PRIM2: variants seen among roughly 807,000 people sequenced by gnomAD.
PRIM2 encodes the protein DNA primase large subunit.
A neutral mutation model predicts 67.3 loss-of-function variants in PRIM2; 39 were observed. The ratio of observed to expected loss-of-function variants is 0.58; its 90% CI spans 0.45 to 0.76. The LOEUF (loss-of-function observed/expected upper bound fraction) is 0.76, where lower values mean the gene tolerates loss of function less well. Among genes scored for constraint, PRIM2 ranks in the 30% least tolerant of loss-of-function variants. The pLI is 0.00. For missense variants in PRIM2, 398 were observed against 598.7 expected (o/e 0.66, Z 3.50); for synonymous variants, 143 against 198.7 (o/e 0.72, Z 2.36).
chr6:57,494,115 T>TACTTTACCCC (rs1773954104), intron 7 of PRIM2, among the ~76,000 whole-genome samples: 1 of 152,240 alleles, frequency 6.6e-6, no homozygotes, highest in Admixed American at 6.5e-5. Flanking sequence ...CAAACATGCT[T>TACTTTACCCC]ACTTTACCCC....
At chr6:57,274,918 A>G in the PRIM2 span, among the ~76,000 whole-genome samples, 1 of 149,646 alleles carries the variant, frequency 6.7e-6, no homozygotes, top group South Asian at 2.1e-4. Context: ...CTGGGACTAC[A>G]GGCACGTGCC....
At chr6:57,365,471 G>A (rs1001638499) in intron 5 of PRIM2, among the ~76,000 whole-genome samples, 1 of 151,814 alleles carries the variant, frequency 6.6e-6, no homozygotes, top group African/African-American at 2.4e-5. Context: ...GAATTAATCT[G>A]TTTTTTATCT....
intron 4 of PRIM2, among the ~76,000 whole-genome samples, chr6:57,324,574 T>C (rs2127273925): frequency 6.6e-6 from 1 of 152,310 alleles, no homozygotes; most frequent in African/African-American, 2.4e-5. Flanking sequence ...AGAAGGACTT[T>C]TGATATTTTT....
rs1307413525 is a variant in PRIM2 at position 57,532,412 on chromosome 6, C to G, written c.763C>G (p.His255Asp). 25 of 1,322,372 alleles carry G rather than the reference C, an allele frequency of 1.9e-5. No individual in the cohort carries two copies. Among genetic ancestry groups the G allele is most frequent in the Non-Finnish European group, 2.4e-5 (24 of 986,422 alleles). The allele number at this position is 1,322,372 out of a possible 1,614,324, so 81.9% of individuals were successfully genotyped here. A position where few individuals can be genotyped will look rare whatever the true frequency, so the allele number is the denominator to read the frequency against. Residue 255 changes from histidine (H) to aspartate (D), a missense_variant and splice_region_variant, in exon 9 of 14, where the codon CAT becomes GAT. Around this residue, in one of 4 missense-constraint regions of PRIM2, gnomAD observed 229 missense variants for 383.6 expected, o/e 0.60. Coordinates refer to ENST00000615550, the MANE Select transcript of PRIM2 (RefSeq NM_000947.5). ...ATATTTTTTTTTCTTTTTTTAAAGTCATTCCTACACTGGCCAAGATTACAG... is the reference window on the plus strand; with the variant it reads ...ATATTTTTTTTTCTTTTTTTAAAGTGATTCCTACACTGGCCAAGATTACAG... ...RLQPLLNHLS[H>D]SYTGQDYSTQ...
intron 7 of PRIM2, chr6:57,505,231 T>C (rs2127459006): frequency 6.6e-6 from 1 of 152,338 alleles, no homozygotes; most frequent in South Asian, 2.1e-4. Context: ...AAGAAAACCT[T>C]TGGAAAACTC....
At chr6:57,602,250 G>A (rs1407968826) in intron 11 of PRIM2, among the ~76,000 whole-genome samples, 2 of 152,074 alleles carry the variant, frequency 1.3e-5, no homozygotes, top group Non-Finnish European at 2.9e-5. Flanking sequence ...TAATAGAGAC[G>A]AGGTTTCGCC....
chr6:57,567,382 G>A (rs1424890210), intron 10 of PRIM2, among the ~76,000 whole-genome samples: 1 of 152,074 alleles, frequency 6.6e-6, no homozygotes, highest in Non-Finnish European at 1.5e-5. Context: ...GGTAAGCTTT[G>A]TGTTGGATTA....
Position 57,527,676 on chromosome 6 carries a change from C to G in PRIM2, c.762-4735C>G, listed in dbSNP as rs1334370064. Reference sequence around the variant, plus strand: ...CCTGCAGAGCATGGGATACAGTCTTCTCACCATCTGCCTTTCTTGTGTTGT... The same window carrying G: ...CCTGCAGAGCATGGGATACAGTCTTGTCACCATCTGCCTTTCTTGTGTTGT... On this transcript the variant is annotated intron_variant, in intron 8 of 13. Coordinates refer to ENST00000615550, the MANE Select transcript of PRIM2 (RefSeq NM_000947.5). Among the ~76,000 whole-genome samples, 4 of 152,316 alleles carry G rather than the reference C, an allele frequency of 2.6e-5. No individual in the cohort carries two copies. In the East Asian group the frequency reaches 5.8e-4, roughly 22 times the overall value.
chr6:57,229,128 C>A, the PRIM2 span, among the ~76,000 whole-genome samples: 6 of 152,174 alleles, frequency 3.9e-5, no homozygotes, highest in Non-Finnish European at 7.3e-5. Flanking sequence ...TCAATAATGT[C>A]TTTCTTCAGT....
intron 7 of PRIM2, among the ~76,000 whole-genome samples, chr6:57,467,707 T>G (rs1773239656): frequency 6.6e-6 from 1 of 152,196 alleles, no homozygotes; most frequent in African/African-American, 2.4e-5. Flanking sequence ...AATATATAAA[T>G]TACTTTGGGC....
chr6:57,312,163 A>C (rs947635608), upstream of PRIM2, among the ~76,000 whole-genome samples: 9 of 152,118 alleles, frequency 5.9e-5, no homozygotes, highest in Middle Eastern at 3.2e-3. Context: ...CAATTTGTGG[A>C]TATCTAAAAA....
chr6:57,454,295 G>T (rs1280542374), intron 7 of PRIM2, among the ~76,000 whole-genome samples: 1 of 152,144 alleles, frequency 6.6e-6, no homozygotes, highest in African/African-American at 2.4e-5. Flanking sequence ...GATGATGCTG[G>T]CCTCATAAAA....
chr6:57,618,035 T>A (rs1289174713), intron 12 of PRIM2, among the ~76,000 whole-genome samples: 1 of 152,218 alleles, frequency 6.6e-6, no homozygotes, highest in Admixed American at 6.5e-5. Context: ...TCAAAACTCA[T>A]TTGGACATAG....
chr6:57,337,373 A>G (rs1327869110), intron 5 of PRIM2, among the ~76,000 whole-genome samples: 1 of 152,088 alleles, frequency 6.6e-6, no homozygotes, highest in Non-Finnish European at 1.5e-5. Flanking sequence ...ATAGACATCT[A>G]CAGAACTCTC....
intron 7 of PRIM2, among the ~76,000 whole-genome samples, chr6:57,431,423 T>C (rs1363824866): frequency 3.3e-5 from 5 of 152,106 alleles, no homozygotes; most frequent in Admixed American, 3.3e-4. Flanking sequence ...GAGGCCAAGG[T>C]GGGAGGATCA....
intron 7 of PRIM2, among the ~76,000 whole-genome samples, chr6:57,406,873 C>T (rs1221830513): frequency 1.3e-5 from 2 of 151,778 alleles, no homozygotes; most frequent in African/African-American, 4.8e-5. Context: ...TGCGGTTGTC[C>T]CTTGTGGCAC....
chr6:57,399,673 C>T (rs1380369929), intron 7 of PRIM2, among the ~76,000 whole-genome samples: 1 of 152,140 alleles, frequency 6.6e-6, no homozygotes, highest in Non-Finnish European at 1.5e-5. Flanking sequence ...TAAAATTGTT[C>T]TTATTTCTCC....
chr6:57,538,018 T>TG (rs1414606805), intron 10 of PRIM2, among the ~76,000 whole-genome samples: 2 of 151,328 alleles, frequency 1.3e-5, no homozygotes, highest in Non-Finnish European at 2.9e-5. Flanking sequence ...AAACTTTTGT[T>TG]TTTTTTTTTC....
At chr6:57,439,979 A>G (rs1286181880) in intron 7 of PRIM2, among the ~76,000 whole-genome samples, 2 of 152,214 alleles carry the variant, frequency 1.3e-5, no homozygotes, top group East Asian at 3.9e-4. Flanking sequence ...ATGTATATGC[A>G]TATAAATAAA....
Sources: gnomAD v4.1 joint callset for allele counts (sites outside exome capture counted in the v4.1 genomes callset) on GRCh38, gnomAD v4.1.1 for gene constraint, gnomAD v4.1.1 regional missense constraint, MANE v1.5 for transcripts, NCBI Gene and HGNC (gene_info 2026-07-23, HGNC 2026-07-21) for gene names.